The following ASIC2 variants were observed in gnomAD, a reference collection of about 807,000 sequenced individuals.
ASIC2 encodes the protein acid-sensing ion channel 2.
ASIC2 carries 25 observed loss-of-function variants against 57.3 expected under a neutral mutation model. The observed-to-expected ratio is 0.44, with a 90% confidence interval of 0.32 to 0.61. The LOEUF (loss-of-function observed/expected upper bound fraction) is 0.61. ASIC2 is among the 20% of genes least tolerant of loss of function. ASIC2 has a pLI of 0.06. For synonymous variants in ASIC2, 319 were observed against 307.5 expected (o/e 1.04, Z -0.39); for missense variants, 641 against 738.1 (o/e 0.87, Z 1.52).
Position 33,937,967 on chromosome 17 carries a change from A to G in ASIC2, c.555+218011T>C, listed in dbSNP as rs150749854. On this transcript the variant is annotated intron_variant, in intron 1 of 9. Coordinates refer to the ASIC2 transcript ENST00000359872. ...TGACTTGGGGTTTCCAGAGTCCTGG[A>G]TAAAGAAGAAAGGAGTTTCCTAGGG... Among the ~76,000 whole-genome samples, 658 of 152,314 alleles carry G rather than the reference A, an allele frequency of 4.3e-3. 6 individuals are homozygous for G. The highest frequency in any genetic ancestry group is 0.015 in the African/African-American group (622 of 41,562).
chr17:33,239,586 C>G (rs1433785642), intron 1 of ASIC2, among the ~76,000 whole-genome samples: 1 of 152,152 alleles, frequency 6.6e-6, no homozygotes, highest in Non-Finnish European at 1.5e-5. Context: ...AACTGTTTGT[C>G]AAATGAATGA....
chr17:33,393,738 C>T lies in ASIC2; in HGVS notation c.556-281671G>A, dbSNP rs567346723. 9.9e-5 allele frequency among the ~76,000 whole-genome samples: 15 copies of T among 152,234 alleles called. No homozygotes were observed. The East Asian group carries it at 2.7e-3, about 27-fold the overall frequency. On this transcript the variant is annotated intron_variant, in intron 1 of 9. Coordinates refer to the ASIC2 transcript ENST00000359872. ...TAAGATTCAGATGGAACCAGGCACA[C>T]CTGGGGGTTCATGGAGTAGACCCAC...
At chr17:33,769,306 A>G (rs1334369521) in intron 1 of ASIC2, among the ~76,000 whole-genome samples, 1 of 152,218 alleles carries the variant, frequency 6.6e-6, no homozygotes, top group African/African-American at 2.4e-5. Flanking sequence ...GCATTCATGC[A>G]GTGTTGGCCG....
intron 1 of ASIC2, among the ~76,000 whole-genome samples, chr17:34,061,029 G>A (rs755763125): frequency 3.3e-5 from 5 of 152,062 alleles, no homozygotes; most frequent in Non-Finnish European, 7.4e-5. Context: ...AAAGATCTTC[G>A]CCTAGGCACA....
intron 1 of ASIC2, among the ~76,000 whole-genome samples, chr17:33,723,072 A>T (rs1909435874): frequency 6.6e-6 from 1 of 152,156 alleles, no homozygotes; most frequent in South Asian, 2.1e-4. Context: ...TACACCCAGG[A>T]GGAATGGGGA....
chr17:33,985,273 A>G (rs1014368672), intron 1 of ASIC2, among the ~76,000 whole-genome samples: 1 of 152,176 alleles, frequency 6.6e-6, no homozygotes, highest in Non-Finnish European at 1.5e-5. Context: ...TCTGAAAATT[A>G]TGCCCACCCC....
At chr17:33,601,622 C>T (rs930912722) in intron 1 of ASIC2, among the ~76,000 whole-genome samples, 6 of 152,212 alleles carry the variant, frequency 3.9e-5, no homozygotes, top group Non-Finnish European at 8.8e-5. Context: ...AGAACTTATC[C>T]TGGAGTTAAG....
intron 1 of ASIC2, among the ~76,000 whole-genome samples, chr17:33,968,559 C>T (rs73276646): frequency 0.023 from 3,562 of 152,266 alleles, 107 homozygotes; most frequent in African/African-American, 0.062. Flanking sequence ...GGAGGAGATG[C>T]TGTTTCTTAA....
intron 1 of ASIC2, among the ~76,000 whole-genome samples, chr17:33,428,615 G>A (rs1504576): frequency 0.19 from 28,920 of 152,016 alleles, 3,223 homozygotes; most frequent in Non-Finnish European, 0.25. Flanking sequence ...TGGCCTCATT[G>A]GAGGGAAGAA....
chr17:33,464,516 C>CTT lies in ASIC2; in HGVS notation c.556-352451_556-352450dup, dbSNP rs879743696. Among the ~76,000 whole-genome samples the CTT allele has an allele frequency of 1.9e-4, 8 of 43,222 alleles. 1 individual carries two copies. The highest frequency in any genetic ancestry group is 2.5e-4 in the Non-Finnish European group (5 of 19,840). The allele number at this position is 43,222 out of a possible 152,430, so 28.4% of individuals were successfully genotyped here. ...TCTTTCTTTCTTTCTTTCTTTCTTTCTTTCTTTCTTTCTTTCTTTCTTTCT... is the reference window on the plus strand; with the variant it reads ...TCTTTCTTTCTTTCTTTCTTTCTTTCTTTTTCTTTCTTTCTTTCTTTCTTTCT... On this transcript the variant is annotated intron_variant, in intron 1 of 9. Coordinates refer to the ASIC2 transcript ENST00000359872.
chr17:33,338,410 A>G (rs978117921), intron 1 of ASIC2, among the ~76,000 whole-genome samples: 1 of 152,172 alleles, frequency 6.6e-6, no homozygotes, highest in Non-Finnish European at 1.5e-5. Flanking sequence ...TGTGGGAGGA[A>G]CGGCAGAAGT....
intron 1 of ASIC2, among the ~76,000 whole-genome samples, chr17:33,514,485 A>T (rs1290984137): frequency 2.0e-5 from 3 of 152,132 alleles, no homozygotes; most frequent in Non-Finnish European, 4.4e-5. Flanking sequence ...GCCAAAGGGG[A>T]GGGGATTGTA....
intron 1 of ASIC2, among the ~76,000 whole-genome samples, chr17:33,645,872 G>A (rs1906723579): frequency 6.6e-6 from 1 of 152,170 alleles, no homozygotes; most frequent in South Asian, 2.1e-4. Flanking sequence ...AGTGTGTCTA[G>A]TACATGCCAT....
intron 1 of ASIC2, among the ~76,000 whole-genome samples, chr17:33,227,744 GAT>G (rs1213100300): frequency 3.3e-5 from 5 of 152,240 alleles, no homozygotes; most frequent in African/African-American, 1.2e-4. Context: ...TGCTCTTATT[GAT>G]CCCATTTAAC....
At chr17:33,504,279 G>C (rs1479063080) in intron 1 of ASIC2, among the ~76,000 whole-genome samples, 3 of 152,214 alleles carry the variant, frequency 2.0e-5, no homozygotes, top group Non-Finnish European at 4.4e-5. Context: ...CTGACTGTCA[G>C]ATTGCTATGT....
At chr17:33,169,177 G>T (rs1905414081) in intron 1 of ASIC2, among the ~76,000 whole-genome samples, 1 of 152,148 alleles carries the variant, frequency 6.6e-6, no homozygotes, top group Non-Finnish European at 1.5e-5. Flanking sequence ...TTGACCTGCT[G>T]GACGGTAGAA....
intron 1 of ASIC2, among the ~76,000 whole-genome samples, chr17:33,939,268 C>T (rs1305641172): frequency 1.3e-5 from 2 of 152,210 alleles, no homozygotes; most frequent in East Asian, 1.9e-4. Flanking sequence ...ATTAATCCCC[C>T]CAATTGCCCT....
intron 1 of ASIC2, among the ~76,000 whole-genome samples, chr17:33,403,041 A>G (rs2141959817): frequency 6.6e-6 from 1 of 152,284 alleles, no homozygotes; most frequent in Non-Finnish European, 1.5e-5. Context: ...TATGGTCAAA[A>G]TATTTCCATC....
intron 1 of ASIC2, among the ~76,000 whole-genome samples, chr17:34,013,811 C>A (rs1260166346): frequency 2.0e-5 from 3 of 152,204 alleles, no homozygotes; most frequent in Non-Finnish European, 4.4e-5. Context: ...CAGACATGTG[C>A]ATGCACTCTC....
Sources: allele counts gnomAD v4.1 joint callset (sites outside exome capture counted in the v4.1 genomes callset), GRCh38; gene constraint gnomAD v4.1.1; transcripts MANE v1.5; gene names NCBI Gene and HGNC (gene_info 2026-07-23, HGNC 2026-07-21).